Variants in AP1S3 observed in about 807,000 individuals in gnomAD.
The protein encoded by AP1S3 is AP-1 complex subunit sigma-3.
A neutral mutation model predicts 20.9 loss-of-function variants in AP1S3; 10 were observed. The observed-to-expected ratio is 0.48, with a 90% CI of 0.29 to 0.81. The LOEUF is 0.81. Ranked by LOEUF, AP1S3 falls within the 30% of genes least tolerant of loss-of-function variation. The pLI is 0.08. For missense variants in AP1S3, 154 were observed against 183.8 expected, an observed-to-expected ratio of 0.84 and a Z score of 0.94; for synonymous variants, 41 against 61.5, an observed-to-expected ratio of 0.67 and a Z score of 1.56.
chr2:223,777,630 T>C, intron 2 of AP1S3, 61 bp downstream of exon 2: 2 of 1,457,220 alleles, frequency 1.4e-6, no homozygotes, highest in Non-Finnish European at 1.9e-6. Flanking sequence ...TCTAAAATGT[T>C]CAGGATTAGA....
intron 3 of AP1S3, among the ~76,000 whole-genome samples, chr2:223,770,531 C>CACA (rs3220046): frequency 6.8e-6 from 1 of 147,366 alleles, no homozygotes; most frequent in Non-Finnish European, 1.5e-5. Flanking sequence ...CACACACACA[C>CACA]CCCTTGATAT....
chr2:223,770,771 A>G (rs1232888978), intron 3 of AP1S3, among the ~76,000 whole-genome samples: 2 of 126,948 alleles, frequency 1.6e-5, no homozygotes, highest in Non-Finnish European at 3.1e-5. Flanking sequence ...TCCGTCACCC[A>G]GGCTGGAGTG....
In AP1S3 at chr2:223,757,784, T is replaced by A; in HGVS notation, c.*931A>T. Reference sequence around the variant, plus strand: ...TATAGGCTGTGATAATCTTAAATGCTCTAAGTAAGCCATGTAATAAGTCTT... The same window carrying A: ...TATAGGCTGTGATAATCTTAAATGCACTAAGTAAGCCATGTAATAAGTCTT... On this transcript the variant is annotated 3_prime_UTR_variant, in exon 5 of 5. Transcript: ENST00000396654. The A allele has an allele frequency of 1.0e-6, 1 of 985,406 alleles. No individual in the cohort carries two copies. Among genetic ancestry groups the A allele is most frequent in the Non-Finnish European group, 1.2e-6 (1 of 829,904 alleles). 61.0% of individuals were successfully genotyped at this position (985,406 alleles called of 1,614,324 possible).
chr2:223,792,548 T>A (rs2106104254), intron 1 of AP1S3, among the ~76,000 whole-genome samples: 1 of 152,286 alleles, frequency 6.6e-6, no homozygotes, highest in Middle Eastern at 3.4e-3. Context: ...ACTGGGCTCC[T>A]TCCTTATACC....
Position 223,757,709 on chromosome 2 carries a change from T to C in AP1S3, c.*1006A>G, listed in dbSNP as rs765135667. On this transcript the variant is annotated 3_prime_UTR_variant, in exon 5 of 5. Coordinates refer to ENST00000396654, the MANE Select transcript of AP1S3 (RefSeq NM_001039569.2). ...ATAATGGTCAGCAGCAAATCTTTTC[T>C]TTGGGGAGGAAAGGGTAAGAAAAGA... 3.0e-6 allele frequency: 3 copies of C among 985,246 alleles called. No homozygotes were observed. Among genetic ancestry groups the C allele is most frequent in the Non-Finnish European group, 3.6e-6 (3 of 829,936 alleles). 61.0% of individuals were successfully genotyped at this position (985,246 alleles called of 1,614,324 possible). A position where few individuals can be genotyped will look rare whatever the true frequency, so the allele number is the denominator to read the frequency against.
chr2:223,819,731 T>C (rs895285517), intron 1 of AP1S3, among the ~76,000 whole-genome samples: 1 of 152,162 alleles, frequency 6.6e-6, no homozygotes, highest in Non-Finnish European at 1.5e-5. Context: ...GTCAAGATTA[T>C]AGTACAGAAT....
Position 223,832,091 on chromosome 2 carries a change from C to A in AP1S3, c.3+5357G>T, listed in dbSNP as rs12694621. 4.9e-3 allele frequency among the ~76,000 whole-genome samples: 634 copies of A among 128,294 alleles called. 32 individuals are homozygous for A. Among genetic ancestry groups the A allele is most frequent in the African/African-American group, 0.012 (396 of 33,132 alleles). The allele number at this position is 128,294 out of a possible 152,430, so 84.2% of individuals were successfully genotyped here. On this transcript the variant is annotated intron_variant, in intron 1 of 4. Transcript: ENST00000396654. ...GACTCCGTCTCAAAAAAAAAAAAAT[C>A]AAAAAAAGGACTTATTCTGGGGATT... is the stretch of plus-strand genomic sequence containing the variant.
intron 1 of AP1S3, among the ~76,000 whole-genome samples, chr2:223,823,593 A>G (rs1486840420): frequency 6.6e-6 from 1 of 152,240 alleles, no homozygotes; most frequent in Non-Finnish European, 1.5e-5. Flanking sequence ...GGGGGGACAG[A>G]GAAGAAATTG....
intron 1 of AP1S3, among the ~76,000 whole-genome samples, chr2:223,815,563 A>G (rs1298230518): frequency 1.3e-5 from 2 of 152,232 alleles, no homozygotes; most frequent in African/African-American, 4.8e-5. Context: ...TGTAAAGCCA[A>G]CCAAACTTGT....
chr2:223,797,171 C>G (rs1691357350), intron 1 of AP1S3, among the ~76,000 whole-genome samples: 1 of 152,192 alleles, frequency 6.6e-6, no homozygotes, highest in Non-Finnish European at 1.5e-5. Flanking sequence ...TCCCTCGTCT[C>G]TCTCTCCAGA....
intron 1 of AP1S3, among the ~76,000 whole-genome samples, chr2:223,827,487 A>G (rs1362285206): frequency 6.6e-6 from 1 of 152,060 alleles, no homozygotes; most frequent in Non-Finnish European, 1.5e-5. Context: ...GGTTCAAGCT[A>G]TTCTCCTGCC....
Position 223,837,439 on chromosome 2 carries a change from C to A in AP1S3, c.3+9G>T. 6 of 1,267,012 alleles carry A rather than the reference C, an allele frequency of 4.7e-6. No individual in the cohort carries two copies. Among genetic ancestry groups the A allele is most frequent in the Non-Finnish European group, 6.0e-6 (6 of 1,002,822 alleles). The allele number at this position is 1,267,012 out of a possible 1,614,324, so 78.5% of individuals were successfully genotyped here. On this transcript the variant is annotated intron_variant, in intron 1 of 4. Transcript: ENST00000396654. ...CGCCTACCCGGGCCGGCGGTTCCCC[C>A]GCACTCACCATCGTGGCTGGGCCGC...
intron 2 of AP1S3, 79 bp downstream of exon 2, chr2:223,777,611 GT>G: frequency 5.6e-6 from 7 of 1,254,474 alleles, no homozygotes; most frequent in Non-Finnish European, 7.7e-6. Flanking sequence ...GATGGAATTG[GT>G]ATAGCAATCT....
At chr2:223,798,542 C>T (rs909496730) in intron 1 of AP1S3, among the ~76,000 whole-genome samples, 23 of 152,180 alleles carry the variant, frequency 1.5e-4, no homozygotes, top group African/African-American at 2.2e-4. Context: ...TAGCCACTTA[C>T]GTGAAATGTG....
At chr2:223,778,176 AGTGCAGTGGCGCGGTCTC>A (rs888295840) in intron 1 of AP1S3, among the ~76,000 whole-genome samples, 1 of 125,380 alleles carries the variant, frequency 8.0e-6, no homozygotes, top group African/African-American at 3.7e-5. Flanking sequence ...CCCAGGCTGG[AGTGCAGTGGCGCGGTCTC>A]AGCTCACTGG....
chr2:223,789,903 G>A (rs1404071799), intron 1 of AP1S3, among the ~76,000 whole-genome samples: 3 of 149,446 alleles, frequency 2.0e-5, no homozygotes, highest in South Asian at 2.1e-4. Context: ...GAAAGATGAA[G>A]CAGAGATAAT....
intron 1 of AP1S3, among the ~76,000 whole-genome samples, chr2:223,809,581 T>C (rs1481460871): frequency 6.6e-6 from 1 of 150,564 alleles, no homozygotes; most frequent in African/African-American, 2.4e-5. Flanking sequence ...GAAGTGGAGG[T>C]TGCAGTGAGT....
intron 4 of AP1S3, among the ~76,000 whole-genome samples, chr2:223,762,570 G>A (rs1690386006): frequency 6.6e-6 from 1 of 152,146 alleles, no homozygotes; most frequent in African/African-American, 2.4e-5. Context: ...ACCACGCCCA[G>A]ACAGAGGGTT....
chr2:223,822,865 A>G (rs1366194829), intron 1 of AP1S3, among the ~76,000 whole-genome samples: 1 of 152,116 alleles, frequency 6.6e-6, no homozygotes, highest in African/African-American at 2.4e-5. Context: ...TACAAAATAC[A>G]TAAGGAACTC....
Sources: gnomAD v4.1 joint callset for allele counts (sites outside exome capture counted in the v4.1 genomes callset) on GRCh38, gnomAD v4.1.1 for gene constraint, MANE v1.5 for transcripts, NCBI Gene and HGNC (gene_info 2026-07-23, HGNC 2026-07-21) for gene names.